The following EPS8 variants were observed in gnomAD, a reference collection of about 807,000 sequenced individuals.
The protein encoded by EPS8 is EGFR pathway substrate 8, signaling adaptor.
Under a neutral mutation model 103.8 loss-of-function variants are expected in EPS8, and 42 were observed. The ratio of observed to expected loss-of-function variants is 0.40; its 90% CI spans 0.32 to 0.52. EPS8 has a LOEUF of 0.52. Among genes scored for constraint, EPS8 ranks in the 20% least tolerant of loss-of-function variants. EPS8 has a pLI of 0.40. For synonymous variants in EPS8, 344 were observed against 344.6 expected (o/e 1.00, Z 0.02); for missense variants, 969 against 1,005.1 (o/e 0.96, Z 0.49).
intron 12 of EPS8, among the ~76,000 whole-genome samples, chr12:15,657,200 A>G (rs1436811218): frequency 6.6e-6 from 1 of 152,154 alleles, no homozygotes; most frequent in Non-Finnish European, 1.5e-5. Flanking sequence ...CATGCTTTGC[A>G]TGTTATCACC....
chr12:15,741,786 A>G (rs866092047), intron 1 of EPS8, among the ~76,000 whole-genome samples: 1 of 152,066 alleles, frequency 6.6e-6, no homozygotes, highest in Non-Finnish European at 1.5e-5. Flanking sequence ...ATATGTATAC[A>G]TGTGCCATGT....
At chr12:15,637,430 A>C (rs901401476) in intron 17 of EPS8, among the ~76,000 whole-genome samples, 2 of 152,240 alleles carry the variant, frequency 1.3e-5, no homozygotes, top group African/African-American at 4.8e-5. Flanking sequence ...ACAGCTGTAT[A>C]AATCTGGGCA....
rs887342026 is a variant in EPS8 at position 15,627,878 on chromosome 12, T to C, written c.2045-3471A>G. Among the ~76,000 whole-genome samples the C allele has an allele frequency of 7.8e-4, 119 of 152,330 alleles. 1 individual carries two copies. The highest frequency in any genetic ancestry group is 2.7e-3 in the African/African-American group (114 of 41,582). On this transcript the variant is annotated intron_variant, in intron 18 of 20. Transcript: ENST00000281172. ...AAGAAATAAGAACAATCTAATTAAG[T>C]TGGCAAGTGACAATAACCTGGTCAC...
intron 1 of EPS8, among the ~76,000 whole-genome samples, chr12:15,723,976 A>G (rs1284912575): frequency 6.6e-6 from 1 of 152,172 alleles, no homozygotes; most frequent in African/African-American, 2.4e-5. Context: ...TTATATAGAG[A>G]CATCTGTCAT....
chr12:15,671,446 G>A (rs1457174155), intron 3 of EPS8, among the ~76,000 whole-genome samples: 1 of 152,022 alleles, frequency 6.6e-6, no homozygotes, highest in Non-Finnish European at 1.5e-5. Flanking sequence ...TCAATCACAT[G>A]GCTTGCCATT....
rs369052053 is a variant in EPS8 at position 15,691,193 on chromosome 12, TA to T, written c.-21-8222del. ...GTGTGAAGTTCAAGGGCAACTAGAT[TA>T]GGGGTGGATCTAGAGGATAAAATCT... is the stretch of plus-strand genomic sequence containing the variant. On this transcript the variant is annotated intron_variant, in intron 1 of 20. Transcript: ENST00000281172. Among the ~76,000 whole-genome samples the T allele has an allele frequency of 3.5e-4, 52 of 148,958 alleles. 2 individuals are homozygous for T. In the East Asian group the frequency reaches 4.7e-3, roughly 14 times the overall value.
At chr12:15,719,638 G>C (rs1488038619) in intron 1 of EPS8, among the ~76,000 whole-genome samples, 1 of 152,190 alleles carries the variant, frequency 6.6e-6, no homozygotes, top group Non-Finnish European at 1.5e-5. Flanking sequence ...AATATCATTG[G>C]ACTAGAGTTT....
At chr12:15,718,024 A>G (rs1372284620) in intron 1 of EPS8, among the ~76,000 whole-genome samples, 1 of 152,200 alleles carries the variant, frequency 6.6e-6, no homozygotes, top group Non-Finnish European at 1.5e-5. Context: ...ATTTCCTTTC[A>G]TGTCCTATAA....
rs1946757822 is a variant in EPS8 at position 15,735,345 on chromosome 12, T to C, written c.-21-52373A>G. 2.0e-5 allele frequency among the ~76,000 whole-genome samples: 3 copies of C among 152,218 alleles called. No homozygotes were observed. The highest frequency in any genetic ancestry group is 2.0e-4 in the Admixed American group (3 of 15,280). On this transcript the variant is annotated intron_variant, in intron 1 of 20. Coordinates refer to ENST00000281172, the MANE Select transcript of EPS8 (RefSeq NM_004447.6). This position sits in a 1 kb window ranked among gnomAD's most constrained non-coding sequence, Gnocchi z 4.4. ...TATATTTCATTCTTCCCTATACTTTTTTGCTCCCTCTTTTTTATCAAGATT... is the reference window on the plus strand; with the variant it reads ...TATATTTCATTCTTCCCTATACTTTCTTGCTCCCTCTTTTTTATCAAGATT...
chr12:15,699,461 G>C (rs577970762), intron 1 of EPS8, among the ~76,000 whole-genome samples: 20 of 152,268 alleles, frequency 1.3e-4, no homozygotes, highest in Admixed American at 1.2e-3. Context: ...ATATCTCTCA[G>C]TTCCTTTATT....
intron 3 of EPS8, among the ~76,000 whole-genome samples, chr12:15,673,716 G>A (rs1016083535): frequency 5.9e-5 from 9 of 152,074 alleles, no homozygotes; most frequent in South Asian, 2.1e-4. Context: ...TGTAAATATC[G>A]TCAAATGGTA....
chr12:15,671,929 G>A (rs1945824965), intron 3 of EPS8: 1 of 152,082 alleles, frequency 6.6e-6, no homozygotes, highest in African/African-American at 2.4e-5. Flanking sequence ...AAGATTTATT[G>A]TTCCAGCTTC....
intron 1 of EPS8, among the ~76,000 whole-genome samples, chr12:15,691,789 T>G (rs1946175343): frequency 6.6e-6 from 1 of 152,172 alleles, no homozygotes; most frequent in Non-Finnish European, 1.5e-5. Flanking sequence ...CTATTCACAG[T>G]ATACTAAGAA....
In EPS8 at chr12:15,714,790, G is replaced by A. The variant is rs1372388403; in HGVS notation, c.-21-31818C>T. ...ATCAGGTTTCTATAACTTTAAAAGTGAAAAGCATCACTATAAATAGAATTT... is the reference window on the plus strand; with the variant it reads ...ATCAGGTTTCTATAACTTTAAAAGTAAAAAGCATCACTATAAATAGAATTT... On this transcript the variant is annotated intron_variant, in intron 1 of 20. Coordinates refer to ENST00000281172, the MANE Select transcript of EPS8 (RefSeq NM_004447.6). This position sits in a 1 kb window ranked among gnomAD's most constrained non-coding sequence, Gnocchi z 4.1. 1.3e-5 allele frequency among the ~76,000 whole-genome samples: 2 copies of A among 152,180 alleles called. No individual in the cohort carries two copies. The highest frequency in any genetic ancestry group is 2.9e-5 in the Non-Finnish European group (2 of 68,026).
intron 8 of EPS8, among the ~76,000 whole-genome samples, chr12:15,663,025 A>G (rs1945634400): frequency 1.3e-5 from 2 of 152,008 alleles, no homozygotes; most frequent in Admixed American, 1.3e-4. Context: ...AAGAAAGAAG[A>G]AATCATCGTG....
chr12:15,744,268 C>G (rs1191109562), intron 1 of EPS8, among the ~76,000 whole-genome samples: 1 of 152,164 alleles, frequency 6.6e-6, no homozygotes, highest in Non-Finnish European at 1.5e-5. Flanking sequence ...GGAAATAGCA[C>G]TTTGTTAAAA....
At chr12:15,709,498 C>T (rs779822425) in intron 1 of EPS8, among the ~76,000 whole-genome samples, 10 of 152,090 alleles carry the variant, frequency 6.6e-5, no homozygotes, top group South Asian at 2.1e-4. Flanking sequence ...TTAAGATACA[C>T]GACTCAAAAG....
In EPS8 at chr12:15,771,556, G is replaced by A. The variant is rs76299856; in HGVS notation, c.-22+17605C>T. Among the ~76,000 whole-genome samples the A allele has an allele frequency of 7.4e-4, 112 of 152,228 alleles. No homozygotes were observed. The East Asian group carries it at 0.018, about 24-fold the overall frequency. On this transcript the variant is annotated intron_variant, in intron 1 of 20. Transcript: ENST00000281172. This position sits in a 1 kb window ranked among gnomAD's most constrained non-coding sequence, Gnocchi z 4.6. ...AAAACTGAACAGAAGGGGCAAAGGC[G>A]AGGGTTAACTTTAATGTGAAAGCAG...
At position 15,710,859 on chromosome 12, in the gene EPS8, A is replaced by G. The variant is rs1345616222; in HGVS notation, c.-21-27887T>C. Reference sequence around the variant, plus strand: ...AAAAATATTTATACAATTCAACTACACTATTATTTAAAAGGCTAGAATTTT... The same window carrying G: ...AAAAATATTTATACAATTCAACTACGCTATTATTTAAAAGGCTAGAATTTT... On this transcript the variant is annotated intron_variant, in intron 1 of 20. Transcript: ENST00000281172. Among the ~76,000 whole-genome samples, 3 of 152,004 alleles carry G rather than the reference A, an allele frequency of 2.0e-5. No individual in the cohort carries two copies. The South Asian group carries it at 6.2e-4, about 31-fold the overall frequency.
Sources: allele counts gnomAD v4.1 joint callset (sites outside exome capture counted in the v4.1 genomes callset), GRCh38; gene constraint gnomAD v4.1.1; non-coding constraint Gnocchi (gnomAD v3.1); transcripts MANE v1.5; gene names NCBI Gene and HGNC (gene_info 2026-07-23, HGNC 2026-07-21).